Variants in HBP1 observed in about 807,000 individuals in gnomAD.
HBP1 encodes HMG box-containing protein 1.
HBP1 carries 20 observed loss-of-function variants against 62.6 expected under a neutral mutation model. That is an observed-to-expected ratio of 0.32 (90% CI 0.22 to 0.46). The LOEUF (loss-of-function observed/expected upper bound fraction) is 0.46. HBP1 is among the 20% of genes least tolerant of loss of function. The probability of loss-of-function intolerance (pLI) is 1.00; values close to 1 mark genes in which losing one functional copy is unlikely to be tolerated. For synonymous variants in HBP1, 232 were observed against 206.2 expected (o/e 1.12, Z -1.07); for missense variants, 480 against 611.8 (o/e 0.78, Z 2.27).
chr7:107,169,784 C>A, intron 1 of HBP1: 10 of 982,304 alleles, frequency 1.0e-5, no homozygotes, highest in Non-Finnish European at 1.2e-5. Flanking sequence ...AAAACAAGCC[C>A]GGAGTCCGGG....
intron 10 of HBP1, 24 bp from the exon 11 acceptor site, chr7:107,201,390 C>CTGAG: frequency 6.7e-7 from 1 of 1,501,326 alleles, no homozygotes; most frequent in East Asian, 2.3e-5. Context: ...TAAACATTCA[C>CTGAG]TGAGTTTAAT....
intron 8 of HBP1, among the ~76,000 whole-genome samples, chr7:107,191,059 A>G (rs1797626006): frequency 6.6e-6 from 1 of 152,156 alleles, no homozygotes; most frequent in East Asian, 1.9e-4. Flanking sequence ...CTGGGATTTA[A>G]AGACTCATTC....
At chr7:107,201,184 G>A (rs1266725720) in intron 10 of HBP1, 8 of 383,774 alleles carry the variant, frequency 2.1e-5, no homozygotes, top group South Asian at 1.5e-4. Flanking sequence ...TCATGTGTTC[G>A]GACTTTTCCT....
chr7:107,169,678 G>A, intron 1 of HBP1: 1 of 912,602 alleles, frequency 1.1e-6, no homozygotes, highest in Non-Finnish European at 1.3e-6. Flanking sequence ...GCTGAGCTGA[G>A]GAGCTCGCGG....
intron 10 of HBP1, 196 bp downstream of exon 10, chr7:107,200,497 C>CA: frequency 2.5e-6 from 1 of 403,290 alleles, no homozygotes; most frequent in Non-Finnish European, 4.4e-6. Context: ...ACTCTCATAG[C>CA]ATGGCAAGTC....
At chr7:107,169,206 G>C in intron 1 of HBP1, 21 bp downstream of exon 1, 1 of 905,262 alleles carries the variant, frequency 1.1e-6, no homozygotes, top group Non-Finnish European at 1.4e-6. Flanking sequence ...TTTCAGTTAG[G>C]GAAGAGGTGG....
chr7:107,198,500 G>A (rs975727188), intron 9 of HBP1, among the ~76,000 whole-genome samples: 6 of 152,070 alleles, frequency 3.9e-5, no homozygotes, highest in Admixed American at 6.6e-5. Context: ...GTGAGCCACC[G>A]TGCCCAGCCA....
At chr7:107,195,273 C>T (rs542806408) in intron 8 of HBP1, among the ~76,000 whole-genome samples, 108 of 152,306 alleles carry the variant, frequency 7.1e-4, no homozygotes, top group Middle Eastern at 3.4e-3. Flanking sequence ...CCACCCACCT[C>T]GGCCTCCCAA....
At chr7:107,178,869 C>A (rs1796979953) in intron 1 of HBP1, among the ~76,000 whole-genome samples, 2 of 152,002 alleles carry the variant, frequency 1.3e-5, no homozygotes, top group Non-Finnish European at 2.9e-5. Context: ...CCTGTCTTTA[C>A]TAAAAATACA....
rs1167738083 is a variant in HBP1 at position 107,169,017 on chromosome 7, C to G, written c.-184C>G. The G allele has an allele frequency of 7.8e-7, 1 of 1,288,792 alleles. No individual in the cohort carries two copies. The allele number at this position is 1,288,792 out of a possible 1,614,324, so 79.8% of individuals were successfully genotyped here. A position where few individuals can be genotyped will look rare whatever the true frequency, so the allele number is the denominator to read the frequency against. On this transcript the variant is annotated 5_prime_UTR_variant, in exon 1 of 11. Coordinates refer to ENST00000222574, the MANE Select transcript of HBP1 (RefSeq NM_012257.4). ...CGAAGCTTGAAAGACTTGGTAATGG[C>G]GACGGGTTTGGTAAGTAGGAAAGTT...
intron 1 of HBP1, chr7:107,173,345 G>A (rs1189031156): frequency 6.6e-6 from 1 of 152,204 alleles, no homozygotes; most frequent in African/African-American, 2.4e-5. Flanking sequence ...AGAAGATCCT[G>A]CTGTGGATTC....
intron 1 of HBP1, among the ~76,000 whole-genome samples, chr7:107,171,175 T>G (rs898945948): frequency 1.0e-4 from 15 of 148,776 alleles, no homozygotes; most frequent in African/African-American, 3.5e-4. Flanking sequence ...GTTCAAGCGA[T>G]TCTCTTGCCT....
chr7:107,199,725 G>T (rs1798123372), intron 9 of HBP1, among the ~76,000 whole-genome samples: 1 of 152,196 alleles, frequency 6.6e-6, no homozygotes, highest in Non-Finnish European at 1.5e-5. Flanking sequence ...TATTTGTCAT[G>T]ATGTAGTCTT....
chr7:107,169,767 G>A (rs1796462706), intron 1 of HBP1: 2 of 985,192 alleles, frequency 2.0e-6, no homozygotes, highest in African/African-American at 3.5e-5. Flanking sequence ...GGGCTGAGCC[G>A]AGGGGAAAAA....
At chr7:107,200,372 G>C (rs1798175934) in intron 10 of HBP1, 71 bp downstream of exon 10, 1 of 1,310,670 alleles carries the variant, frequency 7.6e-7, no homozygotes, top group African/African-American at 1.5e-5. Context: ...TGTTGGAGCA[G>C]TTGTTACAAC....
chr7:107,181,835 G>A (rs1797120694), intron 2 of HBP1, among the ~76,000 whole-genome samples: 1 of 151,928 alleles, frequency 6.6e-6, no homozygotes, highest in South Asian at 2.1e-4. Flanking sequence ...CTGGGTAATA[G>A]TTCCAGTCAT....
At position 107,189,572 on chromosome 7, in the gene HBP1, A is replaced by G. The variant is rs1797548881; in HGVS notation, c.922+124A>G. The G allele has an allele frequency of 9.0e-6, 6 of 668,980 alleles. No homozygotes were observed. In the South Asian group the frequency reaches 1.2e-4, roughly 14 times the overall value. The allele number at this position is 668,980 out of a possible 1,614,324, so 41.4% of individuals were successfully genotyped here. On this transcript the variant is annotated intron_variant, in intron 7 of 10. Coordinates refer to ENST00000222574, the MANE Select transcript of HBP1 (RefSeq NM_012257.4). ...GGAAAACGTCTTTCAAACTAAATAA[A>G]AAACTACCATAGGGAATGCTTATAA...
chr7:107,192,598 C>A (rs1797708248), intron 8 of HBP1: 1 of 152,054 alleles, frequency 6.6e-6, no homozygotes, highest in South Asian at 2.1e-4. Flanking sequence ...TCATAACTTA[C>A]AAATATATGT....
At chr7:107,171,860 CAA>C (rs367641713) in intron 1 of HBP1, among the ~76,000 whole-genome samples, 23 of 63,898 alleles carry the variant, frequency 3.6e-4, no homozygotes, top group Non-Finnish European at 4.3e-4. Flanking sequence ...ACTTCCTCTC[CAA>C]AAAAAAAAAA....
Sources: gnomAD v4.1 joint callset for allele counts (sites outside exome capture counted in the v4.1 genomes callset) on GRCh38, gnomAD v4.1.1 for gene constraint, MANE v1.5 for transcripts, NCBI Gene and HGNC (gene_info 2026-07-23, HGNC 2026-07-21) for gene names.